The following AP2A1 variants were observed in gnomAD, a reference collection of about 807,000 sequenced individuals.
The protein encoded by AP2A1 is adaptor related protein complex 2 subunit alpha 1.
A neutral mutation model predicts 107.3 loss-of-function variants in AP2A1; 21 were observed. The observed-to-expected ratio is 0.20, with a 90% CI of 0.14 to 0.28. The LOEUF is 0.28. Among genes scored for constraint, AP2A1 ranks in the 10% least tolerant of loss-of-function variants. The pLI is 1.00. For synonymous variants in AP2A1, 602 were observed against 564.8 expected (o/e 1.07, Z -0.93); for missense variants, 873 against 1,307.7 (o/e 0.67, Z 5.13).
chr19:49,771,796 G>A (rs564729271), intron 1 of AP2A1, among the ~76,000 whole-genome samples: 54 of 152,248 alleles, frequency 3.5e-4, no homozygotes, highest in South Asian at 1.5e-3. Context: ...AGAGAATGGG[G>A]ATTCTGTGTG....
At chr19:49,782,492 C>T in intron 3 of AP2A1, 39 bp from the exon 4 acceptor site, 2 of 1,590,830 alleles carry the variant, frequency 1.3e-6, no homozygotes, top group Non-Finnish European at 1.7e-6. Flanking sequence ...GCCACTCAGT[C>T]ACAAGGCTCC....
chr19:49,801,003 G>A lies in AP2A1; in HGVS notation c.1498G>A (p.Gly500Ser). 6.2e-7 allele frequency: 1 copy of A among 1,607,906 alleles called. No individual in the cohort carries two copies. The highest frequency in any genetic ancestry group is 8.5e-7 in the Non-Finnish European group (1 of 1,177,426). The change falls in exon 12 of 23, where the codon GGC (glycine) becomes AGC (serine). Residue 500 changes from glycine (G) to serine (S), a missense_variant. Around this residue, in one of 4 missense-constraint regions of AP2A1, gnomAD observed 213 missense variants for 443.5 expected, o/e 0.48. Coordinates refer to ENST00000354293, the MANE Select transcript of AP2A1 (RefSeq NM_130787.3). ...CTGTCACGAGAACATGGTGAAGGTT[G>A]GCGGCTACATCCTTGGGGAGTTTGG... ...PACHENMVKV[G>S]GYILGEFGNL...
chr19:49,770,545 A>G (rs549228712), intron 1 of AP2A1, among the ~76,000 whole-genome samples: 1 of 152,296 alleles, frequency 6.6e-6, no homozygotes, highest in Admixed American at 6.5e-5. Flanking sequence ...GTTCACTGCA[A>G]CATTATTCAT....
At chr19:49,772,325 T>G (rs1403314838) in intron 1 of AP2A1, among the ~76,000 whole-genome samples, 2 of 135,360 alleles carry the variant, frequency 1.5e-5, no homozygotes, top group Non-Finnish European at 3.1e-5. Context: ...AGTGGCGCGA[T>G]CTCCGCTCAC....
chr19:49,771,676 T>C (rs2084559494), intron 1 of AP2A1, among the ~76,000 whole-genome samples: 1 of 152,124 alleles, frequency 6.6e-6, no homozygotes, highest in Non-Finnish European at 1.5e-5. Flanking sequence ...CACAAAATGC[T>C]GAGATTACAG....
chr19:49,806,039 G>C, intron 21 of AP2A1, 80 bp from the exon 22 acceptor site: 1 of 1,606,722 alleles, frequency 6.2e-7, no homozygotes, highest in Non-Finnish European at 8.5e-7. Flanking sequence ...CCATCCCCAA[G>C]GGTTTTTTGG....
At chr19:49,779,567 A>G (rs1001164182) in intron 1 of AP2A1, among the ~76,000 whole-genome samples, 1 of 151,860 alleles carries the variant, frequency 6.6e-6, no homozygotes, top group Admixed American at 6.6e-5. Flanking sequence ...GTACACCCAA[A>G]TTATTATTTC....
chr19:49,800,807 C>G (rs916087963), intron 11 of AP2A1, 154 bp from the exon 12 acceptor site: 4 of 590,046 alleles, frequency 6.8e-6, no homozygotes, highest in African/African-American at 1.9e-5. Flanking sequence ...AGCTTGGGCC[C>G]GTCACTCAAC....
chr19:49,792,122 C>A, intron 5 of AP2A1, 58 bp downstream of exon 5: 2 of 1,568,620 alleles, frequency 1.3e-6, no homozygotes, highest in African/African-American at 1.4e-5. Context: ...AGCCCTGACC[C>A]CCCTGGATGC....
At chr19:49,777,807 A>C (rs1347346573) in intron 1 of AP2A1, among the ~76,000 whole-genome samples, 1 of 141,760 alleles carries the variant, frequency 7.1e-6, no homozygotes, top group Non-Finnish European at 1.6e-5. Context: ...CGCACCTCAC[A>C]GTCCCAGCTA....
rs2073364388 is a variant in AP2A1 at position 49,805,705 on chromosome 19, C to T, written c.2513C>T (p.Thr838Ile). 2 of 1,571,526 alleles carry T rather than the reference C, an allele frequency of 1.3e-6. No individual in the cohort carries two copies. The highest frequency in any genetic ancestry group is 2.4e-5 in the East Asian group (1 of 41,942). ...PQALTLKLPV[T>I]INKFFQPTEM... ...GCCCTCACCCTGAAGCTCCCAGTGA[C>T]CATCAACAAGTTCTTCCAGCCCACC... Residue 838 changes from threonine (T) to isoleucine (I), a missense_variant, in exon 20 of 23, where the codon ACC becomes ATC. Thr to Ile is a moderately conservative substitution (Grantham distance 89). Around this residue, in one of 4 missense-constraint regions of AP2A1, gnomAD observed 416 missense variants for 473.4 expected, o/e 0.88. Coordinates refer to ENST00000354293, the MANE Select transcript of AP2A1 (RefSeq NM_130787.3).
intron 1 of AP2A1, among the ~76,000 whole-genome samples, chr19:49,769,200 A>T (rs749708802): frequency 6.6e-6 from 1 of 152,142 alleles, no homozygotes; most frequent in Non-Finnish European, 1.5e-5. Flanking sequence ...CAATGAGCCG[A>T]GATTCACACC....
At chr19:49,769,586 T>G (rs2123656240) in intron 1 of AP2A1, among the ~76,000 whole-genome samples, 1 of 151,596 alleles carries the variant, frequency 6.6e-6, no homozygotes, top group South Asian at 2.1e-4. Context: ...GCTGAAGCTG[T>G]GGGAGTGAAG....
intron 16 of AP2A1, 31 bp downstream of exon 16, chr19:49,803,036 C>T (rs776629069): frequency 2.5e-6 from 4 of 1,613,640 alleles, no homozygotes; most frequent in Non-Finnish European, 3.4e-6. Context: ...GGGAGGGGAA[C>T]GGGACAGGTG....
Position 49,782,647 on chromosome 19 carries a change from G to C in AP2A1, c.396G>C (p.Leu132=), listed in dbSNP as rs1187741221. ...ACCCCACCTTCATGTGCCTGGCCCT[G>C]CACTGCATCGCCAACGTGGGCAGCC... ...SRNPTFMCLA[L]HCIANVGSRE... is the part of the protein sequence containing the mutation. Residue 132 remains leucine (L), a synonymous_variant, in exon 4 of 23, where the codon CTG becomes CTC. Transcript: ENST00000354293. The C allele has an allele frequency of 6.2e-7, 1 of 1,613,276 alleles. No individual in the cohort carries two copies. Among genetic ancestry groups the C allele is most frequent in the Non-Finnish European group, 8.5e-7 (1 of 1,179,772 alleles).
At chr19:49,795,770 G>T in intron 7 of AP2A1, 32 bp downstream of exon 7, 7 of 1,481,678 alleles carry the variant, frequency 4.7e-6, no homozygotes, top group Non-Finnish European at 5.5e-6. Context: ...CCAACCCGGG[G>T]TGGCCTGCTG....
In AP2A1 at chr19:49,803,146, G is replaced by A. The variant is rs774894159; in HGVS notation, c.2211G>A (p.Gln737=). The change falls in exon 17 of 23, where the codon CAG becomes CAA. Residue 737 remains glutamine, a synonymous_variant. Coordinates refer to ENST00000354293, the MANE Select transcript of AP2A1 (RefSeq NM_130787.3). ...CKNNGVLFEN[Q]LLQIGVKSEF... ...ACAACGGGGTCCTGTTCGAGAACCA[G>A]CTGCTGCAGATCGGAGTCAAGTCAG... 6.2e-7 allele frequency: 1 copy of A among 1,614,002 alleles called. No homozygotes were observed. Among genetic ancestry groups the A allele is most frequent in the Non-Finnish European group, 8.5e-7 (1 of 1,179,888 alleles).
chr19:49,779,492 A>AAG, intron 1 of AP2A1, among the ~76,000 whole-genome samples: 1 of 150,242 alleles, frequency 6.7e-6, no homozygotes, highest in East Asian at 1.9e-4. Flanking sequence ...GGCTACAAAA[A>AAG]AAAAAAAAAA....
chr19:49,799,756 G>A lies in AP2A1; in HGVS notation c.1262G>A (p.Arg421His). 4 of 1,613,296 alleles carry A rather than the reference G, an allele frequency of 2.5e-6. No individual in the cohort carries two copies. Among genetic ancestry groups the A allele is most frequent in the Non-Finnish European group, 1.7e-6 (2 of 1,179,814 alleles). ...RYLETADYAI[R>H]EEIVLKVAIL... ...CTGGAGACGGCAGACTACGCCATCC[G>A]CGAGGAGATCGTGAGTGCTGTGGGG... The change falls in exon 10 of 23, where the codon CGC becomes CAC. Residue 421 changes from arginine (R) to histidine (H), a missense_variant. By Grantham distance (29) the Arg-to-His change is conservative (BLOSUM62 0). This residue lies in a region of AP2A1 where 213 missense variants were observed against 443.5 expected (regional missense o/e 0.48). Coordinates refer to ENST00000354293, the MANE Select transcript of AP2A1 (RefSeq NM_130787.3).
Sources: gnomAD v4.1 joint callset for allele counts (sites outside exome capture counted in the v4.1 genomes callset) on GRCh38, gnomAD v4.1.1 for gene constraint, gnomAD v4.1.1 regional missense constraint, MANE v1.5 for transcripts, NCBI Gene and HGNC (gene_info 2026-07-23, HGNC 2026-07-21) for gene names.